BCAS3: variants seen among roughly 807,000 people sequenced by gnomAD.
BCAS3 encodes BCAS3 microtubule associated cell migration factor.
BCAS3 carries 53 observed loss-of-function variants against 116.1 expected under a neutral mutation model. The observed-to-expected ratio is 0.46, with a 90% CI of 0.37 to 0.57. The LOEUF is 0.57. BCAS3 is among the 20% of genes least tolerant of loss of function. The pLI is 0.00. For missense variants in BCAS3, 917 were observed against 1,165.4 expected (o/e 0.79, Z 3.10); for synonymous variants, 391 against 408.2 (o/e 0.96, Z 0.51).
intron 12 of BCAS3, among the ~76,000 whole-genome samples, chr17:60,911,577 C>A (rs1264394403): frequency 1.3e-5 from 2 of 152,176 alleles, no homozygotes; most frequent in East Asian, 3.9e-4. Context: ...GGATTACAGG[C>A]ATGAGCCACC....
chr17:61,289,625 A>G (rs1168735539), intron 22 of BCAS3, among the ~76,000 whole-genome samples: 2 of 152,178 alleles, frequency 1.3e-5, no homozygotes, highest in African/African-American at 4.8e-5. Context: ...ACTGGAGATT[A>G]GAGACCCCGT....
intron 6 of BCAS3, among the ~76,000 whole-genome samples, chr17:60,774,125 A>C (rs1241664549): frequency 6.6e-6 from 1 of 152,108 alleles, no homozygotes; most frequent in Non-Finnish European, 1.5e-5. Flanking sequence ...GTCGTTTCAC[A>C]ACTCACTGAT....
intron 6 of BCAS3, among the ~76,000 whole-genome samples, chr17:60,790,933 G>A (rs2046717159): frequency 6.6e-6 from 1 of 151,716 alleles, no homozygotes; most frequent in Non-Finnish European, 1.5e-5. Flanking sequence ...TACTAGAGAT[G>A]GTTTCACCAT....
chr17:60,810,984 G>T, intron 7 of BCAS3: 1 of 666,642 alleles, frequency 1.5e-6, no homozygotes, highest in Non-Finnish European at 2.8e-6. Context: ...ACTAGTCTCA[G>T]CAGATTGAAG....
At position 61,072,646 on chromosome 17, in the gene BCAS3, C is replaced by T. The variant is rs1346622272; in HGVS notation, c.2030-2274C>T. On this transcript the variant is annotated intron_variant, in intron 19 of 23. Transcript: ENST00000407086. ...ACTTCTACTTAAAAATTGCTAATTG[C>T]TTTCCATCATATTACTCGAGCTTTA... is the stretch of plus-strand genomic sequence containing the variant. 4.8e-5 allele frequency among the ~76,000 whole-genome samples: 7 copies of T among 146,332 alleles called. No individual in the cohort carries two copies. The East Asian group carries it at 1.4e-3, about 29-fold the overall frequency.
intron 22 of BCAS3, among the ~76,000 whole-genome samples, chr17:61,089,509 CTTTTTTTTTTTTTTTTTTTTTTTTTTTTT>C (rs71370187): frequency 7.5e-5 from 2 of 26,722 alleles, no homozygotes; most frequent in East Asian, 1.4e-3. Flanking sequence ...GAGTTTCACT[CTTTTTTTTTTTTTTTTTTTTTTTTTTTTT>C]TTTTTTTTTG....
Position 61,376,052 on chromosome 17 carries a change from A to C in BCAS3, c.2593+7558A>C, listed in dbSNP as rs1214135399. On this transcript the variant is annotated intron_variant, in intron 23 of 23. Transcript: ENST00000407086. The surrounding 1 kb of genome is among the most constrained non-coding windows in gnomAD (Gnocchi z 4.5). ...TATTTTTAAAATCTGCAATTTAGAG[A>C]GAACTTTATCCAGTCCAGCCCTAGG... Among the ~76,000 whole-genome samples, 2 of 152,242 alleles carry C rather than the reference A, an allele frequency of 1.3e-5. No individual in the cohort carries two copies. The highest frequency in any genetic ancestry group is 2.9e-5 in the Non-Finnish European group (2 of 68,050).
intron 2 of BCAS3, 108 bp downstream of exon 2, chr17:60,679,648 T>G (rs1300889272): frequency 2.2e-6 from 2 of 893,342 alleles, no homozygotes; most frequent in East Asian, 4.9e-5. Context: ...ATCTTTTAAC[T>G]GTTGGCTTTA....
At chr17:61,297,730 C>T (rs2053056897) in intron 22 of BCAS3, among the ~76,000 whole-genome samples, 3 of 151,978 alleles carry the variant, frequency 2.0e-5, no homozygotes, top group Non-Finnish European at 2.9e-5. Flanking sequence ...AGGGTGAAAT[C>T]GGAAATCTAG....
chr17:61,037,844 AT>A lies in BCAS3; in HGVS notation c.1763-42del. On this transcript the variant is annotated intron_variant, in intron 17 of 23. Transcript: ENST00000407086. The surrounding 1 kb of genome is among the most constrained non-coding windows in gnomAD (Gnocchi z 4.7). ...ACTTGTAAAAATTATTCTGTGCTCC[AT>A]TTATGCCATCATAACACATCGGGTT... is the stretch of plus-strand genomic sequence containing the variant. The A allele has an allele frequency of 6.4e-7, 1 of 1,559,772 alleles. No homozygotes were observed. Among genetic ancestry groups the A allele is most frequent in the Non-Finnish European group, 8.8e-7 (1 of 1,137,142 alleles).
intron 22 of BCAS3, among the ~76,000 whole-genome samples, chr17:61,232,850 CT>C (rs1343589417): frequency 6.6e-6 from 1 of 152,082 alleles, no homozygotes; most frequent in Non-Finnish European, 1.5e-5. Context: ...TAACTATTTT[CT>C]TTTTAGAGTT....
chr17:61,078,626 A>G, intron 21 of BCAS3, 97 bp downstream of exon 21: 2 of 1,071,498 alleles, frequency 1.9e-6, no homozygotes, highest in Non-Finnish European at 2.7e-6. Flanking sequence ...CCCTTTTGGC[A>G]CAGTATCATG....
chr17:60,820,610 ATACAAAAT>A (rs1437938237), intron 7 of BCAS3, among the ~76,000 whole-genome samples: 1 of 152,266 alleles, frequency 6.6e-6, no homozygotes, highest in Admixed American at 6.5e-5. Context: ...AATAATTTGA[ATACAAAAT>A]TAGAACATTT....
chr17:60,727,255 G>C, intron 5 of BCAS3: 3 of 1,018,476 alleles, frequency 2.9e-6, no homozygotes, highest in Non-Finnish European at 4.7e-6. Context: ...TCTTGGATCT[G>C]CAGTTAGGCT....
At chr17:60,982,961 T>C (rs1312614841) in intron 14 of BCAS3, among the ~76,000 whole-genome samples, 3 of 152,210 alleles carry the variant, frequency 2.0e-5, no homozygotes, top group African/African-American at 7.2e-5. Context: ...GGAGCACATA[T>C]ACTTTATCTC....
chr17:61,034,934 C>T lies in BCAS3; in HGVS notation c.1762+144C>T. Reference sequence around the variant, plus strand: ...ATGTAATTAGCATGTCACTTCTCAACTACTCAAGCCTAGTCAAGAAGAAAA... The same window carrying T: ...ATGTAATTAGCATGTCACTTCTCAATTACTCAAGCCTAGTCAAGAAGAAAA... On this transcript the variant is annotated intron_variant, in intron 17 of 23. Transcript: ENST00000407086. The surrounding 1 kb of genome is among the most constrained non-coding windows in gnomAD (Gnocchi z 5.0). 1 of 683,452 alleles carries T rather than the reference C, an allele frequency of 1.5e-6. No homozygotes were observed. The highest frequency in any genetic ancestry group is 2.1e-5 in the South Asian group (1 of 47,644). 42.3% of individuals were successfully genotyped at this position (683,452 alleles called of 1,614,324 possible). A position where few individuals can be genotyped will look rare whatever the true frequency, so the allele number is the denominator to read the frequency against.
At position 61,132,337 on chromosome 17, in the gene BCAS3, A is replaced by C. The variant is rs1308378280; in HGVS notation, c.2425+47773A>C. Among the ~76,000 whole-genome samples the C allele has an allele frequency of 6.6e-6, 1 of 152,210 alleles. No homozygotes were observed. Among genetic ancestry groups the C allele is most frequent in the Non-Finnish European group, 1.5e-5 (1 of 68,036 alleles). ...TCCGTAACTGAAGGCACCATTCCAA[A>C]ACTACTTGAGTATAGGTGAGAACTT... On this transcript the variant is annotated intron_variant, in intron 22 of 23. Transcript: ENST00000407086. The surrounding 1 kb of genome is among the most constrained non-coding windows in gnomAD (Gnocchi z 5.1).
At position 61,251,782 on chromosome 17, in the gene BCAS3, A is replaced by G. The variant is rs2144549431; in HGVS notation, c.2426-116545A>G. On this transcript the variant is annotated intron_variant, in intron 22 of 23. Coordinates refer to ENST00000407086, the MANE Select transcript of BCAS3 (RefSeq NM_017679.5). The surrounding 1 kb of genome is among the most constrained non-coding windows in gnomAD (Gnocchi z 4.7). ...AGGCTAGACTGCTAGGTTCCCAGCTATACTGGATTATTAGACAAAGCTACC... is the reference window on the plus strand; with the variant it reads ...AGGCTAGACTGCTAGGTTCCCAGCTGTACTGGATTATTAGACAAAGCTACC... 6.6e-6 allele frequency among the ~76,000 whole-genome samples: 1 copy of G among 152,306 alleles called. No homozygotes were observed. Among genetic ancestry groups the G allele is most frequent in the African/African-American group, 2.4e-5 (1 of 41,566 alleles).
chr17:61,123,072 G>A (rs2075869440), intron 22 of BCAS3, among the ~76,000 whole-genome samples: 1 of 151,688 alleles, frequency 6.6e-6, no homozygotes. Context: ...CTCCCAAGTA[G>A]CTGGGACTAC....
Sources: gnomAD v4.1 joint callset for allele counts (sites outside exome capture counted in the v4.1 genomes callset) on GRCh38, gnomAD v4.1.1 for gene constraint, Gnocchi (gnomAD v3.1) non-coding constraint, MANE v1.5 for transcripts, NCBI Gene and HGNC (gene_info 2026-07-23, HGNC 2026-07-21) for gene names.